DACH2: variants seen among roughly 807,000 people sequenced by gnomAD.
The protein encoded by DACH2 is dachshund family transcription factor 2.
Under a neutral mutation model 35.8 loss-of-function variants are expected in DACH2, and 17 were observed. That is an observed-to-expected ratio of 0.48 (90% CI 0.33 to 0.71). DACH2 has a LOEUF of 0.71. DACH2 is among the 30% of genes least tolerant of loss of function. The pLI, the probability that DACH2 is intolerant of heterozygous loss-of-function variation, is 0.02. For synonymous variants in DACH2, 195 were observed against 177.3 expected, an observed-to-expected ratio of 1.10 and a Z score of -0.79; for missense variants, 469 against 472.7, an observed-to-expected ratio of 0.99 and a Z score of 0.07.
At chrX:86,566,235 C>T (rs1358118294) in intron 3 of DACH2, among the ~76,000 whole-genome samples, 1 of 111,777 alleles carries the variant, frequency 8.9e-6, no homozygotes, top group Non-Finnish European at 1.9e-5. Flanking sequence ...TCTTATAGTA[C>T]ATGAATTCCA....
intron 5 of DACH2, among the ~76,000 whole-genome samples, chrX:86,707,054 C>T (rs2041224067): frequency 9.1e-6 from 1 of 110,459 alleles, no homozygotes; most frequent in South Asian, 3.8e-4. Flanking sequence ...AAACCAAAAG[C>T]TGGTTCATTG....
intron 3 of DACH2, among the ~76,000 whole-genome samples, chrX:86,600,665 C>T (rs2039778231): frequency 8.9e-6 from 1 of 111,825 alleles, no homozygotes; most frequent in Non-Finnish European, 1.9e-5. Flanking sequence ...AACATCAGAT[C>T]CCTGTGTATG....
intron 1 of DACH2, among the ~76,000 whole-genome samples, chrX:86,341,626 G>T (rs952139001): frequency 1.8e-5 from 2 of 112,063 alleles, no homozygotes; most frequent in African/African-American, 6.5e-5. Context: ...GGCTACAGCG[G>T]CCATAGATAG....
intron 1 of DACH2, among the ~76,000 whole-genome samples, chrX:86,165,454 C>T (rs903884017): frequency 1.6e-4 from 18 of 111,294 alleles, no homozygotes; most frequent in Non-Finnish European, 2.6e-4. Context: ...CAACAATGTA[C>T]GAAGGTCCCC....
intron 3 of DACH2, among the ~76,000 whole-genome samples, chrX:86,554,532 A>G (rs2039091509): frequency 8.9e-6 from 1 of 111,870 alleles, no homozygotes; most frequent in South Asian, 3.7e-4. Flanking sequence ...TATTCTAATT[A>G]TAATTGATGG....
intron 3 of DACH2, among the ~76,000 whole-genome samples, chrX:86,547,450 G>T (rs1454640539): frequency 2.9e-5 from 3 of 103,065 alleles, no homozygotes; most frequent in Non-Finnish European, 5.9e-5. Flanking sequence ...TTTGTCATTG[G>T]ATTTGTTATC....
intron 6 of DACH2, among the ~76,000 whole-genome samples, chrX:86,725,669 G>C (rs897592433): frequency 9.0e-6 from 1 of 111,213 alleles, no homozygotes; most frequent in Admixed American, 9.6e-5. Flanking sequence ...TAGTGGCAGT[G>C]GTGGGCCATG....
chrX:86,229,018 T>C (rs2032889901), intron 1 of DACH2, among the ~76,000 whole-genome samples: 1 of 111,987 alleles, frequency 8.9e-6, no homozygotes, highest in African/African-American at 3.2e-5. Flanking sequence ...GCTTTTGGCT[T>C]TTTGGTCATG....
chrX:86,364,672 A>G (rs1439546305), intron 1 of DACH2, among the ~76,000 whole-genome samples: 6 of 111,726 alleles, frequency 5.4e-5, no homozygotes, highest in African/African-American at 1.9e-4. Context: ...ATTAATATTC[A>G]CACAACAGGA....
At chrX:86,621,628 T>A (rs1405400786) in intron 3 of DACH2, among the ~76,000 whole-genome samples, 1 of 112,003 alleles carries the variant, frequency 8.9e-6, no homozygotes, top group African/African-American at 3.2e-5. Flanking sequence ...TTATTCACCA[T>A]GTGATCTTGC....
intron 2 of DACH2, among the ~76,000 whole-genome samples, chrX:86,450,670 T>C (rs1312801131): frequency 1.8e-5 from 2 of 110,558 alleles, no homozygotes; most frequent in African/African-American, 6.6e-5. Context: ...ATGGTTGAAA[T>C]AATTTACGCT....
At chrX:86,316,069 G>C (rs1195512241) in intron 1 of DACH2, among the ~76,000 whole-genome samples, 1 of 110,696 alleles carries the variant, frequency 9.0e-6, no homozygotes, top group Non-Finnish European at 1.9e-5. Flanking sequence ...CTCTCACCCT[G>C]TTCCTTGATC....
Position 86,316,885 on chromosome X carries a change from G to A in DACH2, c.489-59939G>A, listed in dbSNP as rs371850638. 3.6e-4 allele frequency among the ~76,000 whole-genome samples: 40 copies of A among 110,847 alleles called. No homozygotes were observed. The East Asian group carries it at 4.0e-3, about 11-fold the overall frequency. On this transcript the variant is annotated intron_variant, in intron 1 of 11. Coordinates refer to ENST00000373125, the MANE Select transcript of DACH2 (RefSeq NM_053281.3). ...CTGTAATCCCAGCACTTTGGGAGCCGGAGGCAGGTGGATCGCGAGGTCAGA... is the reference window on the plus strand; with the variant it reads ...CTGTAATCCCAGCACTTTGGGAGCCAGAGGCAGGTGGATCGCGAGGTCAGA...
chrX:86,626,154 TA>T (rs1189282231), intron 3 of DACH2, among the ~76,000 whole-genome samples: 3 of 112,321 alleles, frequency 2.7e-5, no homozygotes, highest in African/African-American at 9.7e-5. Context: ...AGGAATTGGG[TA>T]AAACACACAT....
chrX:86,246,166 T>C (rs1012764269), intron 1 of DACH2, among the ~76,000 whole-genome samples: 2 of 110,593 alleles, frequency 1.8e-5, no homozygotes, highest in Admixed American at 9.6e-5. Flanking sequence ...AAATATAGGA[T>C]TATATAAAGG....
intron 2 of DACH2, among the ~76,000 whole-genome samples, chrX:86,464,636 T>A (rs1163219217): frequency 9.0e-6 from 1 of 110,959 alleles, no homozygotes; most frequent in Non-Finnish European, 1.9e-5. Context: ...CGTATACCTA[T>A]GTAACAAACC....
intron 4 of DACH2, among the ~76,000 whole-genome samples, chrX:86,653,419 G>C (rs2040501177): frequency 1.8e-5 from 2 of 111,114 alleles, no homozygotes; most frequent in South Asian, 3.7e-4. Flanking sequence ...GGAGCAGGGT[G>C]ACTCCCCATT....
chrX:86,456,519 C>T (rs943580210), intron 2 of DACH2, among the ~76,000 whole-genome samples: 2 of 111,387 alleles, frequency 1.8e-5, no homozygotes, highest in Non-Finnish European at 1.9e-5. Flanking sequence ...TTTATCATTG[C>T]TGTCATTAAT....
At chrX:86,686,379 C>T (rs894756004) in intron 4 of DACH2, among the ~76,000 whole-genome samples, 4 of 110,016 alleles carry the variant, frequency 3.6e-5, no homozygotes, top group African/African-American at 9.9e-5. Flanking sequence ...GCTACAGGTG[C>T]GCACCAACAT....
Sources: allele counts gnomAD v4.1 joint callset (sites outside exome capture counted in the v4.1 genomes callset), GRCh38; gene constraint gnomAD v4.1.1; transcripts MANE v1.5; gene names NCBI Gene and HGNC (gene_info 2026-07-23, HGNC 2026-07-21).